Variants in PREPL observed in about 807,000 individuals in gnomAD.
PREPL encodes prolyl endopeptidase like, also known as prolyl endopeptidase-like.
PREPL carries 77 observed loss-of-function variants against 70.6 expected under a neutral mutation model. That is an observed-to-expected ratio of 1.09 (90% CI 0.91 to 1.32). PREPL has a LOEUF of 1.32. PREPL is among the 40% of genes most tolerant of loss of function. PREPL has a pLI of 0.00. For synonymous variants in PREPL, 315 were observed against 264.8 expected, an observed-to-expected ratio of 1.19 and a Z score of -1.84; for missense variants, 1,002 against 778.2, an observed-to-expected ratio of 1.29 and a Z score of -3.42.
chr2:44,346,962 T>G (rs999457425), intron 1 of PREPL, among the ~76,000 whole-genome samples: 5 of 152,116 alleles, frequency 3.3e-5, no homozygotes, highest in Non-Finnish European at 5.9e-5. Flanking sequence ...TTTAAATGGG[T>G]CTGAGAACCA....
chr2:44,359,494 T>C lies in PREPL; in HGVS notation c.-49+1886A>G, dbSNP rs1677427370. The C allele has an allele frequency of 3.8e-6, 6 of 1,595,600 alleles. No homozygotes were observed. In the East Asian group the frequency reaches 1.1e-4, roughly 30 times the overall value. ...CAAATAGGTTAACTTAAACAGTCCA[T>C]ACCTTACATGAGAAGCTCCGACTTG... On this transcript the variant is annotated intron_variant, in intron 1 of 13. Transcript: ENST00000409411.
Position 44,321,638 on chromosome 2 carries a change from G to T in PREPL, c.1827+189C>A. The T allele has an allele frequency of 3.3e-6, 5 of 1,496,524 alleles. No individual in the cohort carries two copies. In the South Asian group the frequency reaches 5.5e-5, roughly 16 times the overall value. 92.7% of individuals were successfully genotyped at this position (1,496,524 alleles called of 1,614,324 possible). A position where few individuals can be genotyped will look rare whatever the true frequency, so the allele number is the denominator to read the frequency against. ...AATTATTTTCTTTAACAGAGCTCAC[G>T]TATCAAGTACAAGAGAGAGACATTT... On this transcript the variant is annotated intron_variant, in intron 13 of 13. Transcript: ENST00000409411.
chr2:44,343,610 T>C lies in PREPL; in HGVS notation c.349+135A>G, dbSNP rs1675459654. 6 of 702,876 alleles carry C rather than the reference T, an allele frequency of 8.5e-6. No individual in the cohort carries two copies. In the South Asian group the frequency reaches 9.4e-5, roughly 11 times the overall value. 43.5% of individuals were successfully genotyped at this position (702,876 alleles called of 1,614,324 possible). On this transcript the variant is annotated intron_variant, in intron 4 of 13. Coordinates refer to ENST00000409411, the MANE Select transcript of PREPL (RefSeq NM_001171613.2). ...GAAGGTCTCCTGAATAAGAGGTACA[T>C]AGGAAGATGTATAGTCCATAGGGAT...
intron 12 of PREPL, 128 bp downstream of exon 12, chr2:44,322,603 C>A: frequency 7.8e-7 from 1 of 1,281,702 alleles, no homozygotes; most frequent in South Asian, 1.5e-5. Flanking sequence ...GTCAACATAG[C>A]AAAATAATTG....
intron 1 of PREPL, among the ~76,000 whole-genome samples, chr2:44,346,951 A>AT (rs1333424848): frequency 6.6e-6 from 1 of 152,150 alleles, no homozygotes; most frequent in Non-Finnish European, 1.5e-5. Context: ...AATTTTTTAA[A>AT]TTTAAATGGG....
chr2:44,361,696 C>A, upstream of PREPL: 1 of 341,590 alleles, frequency 2.9e-6, no homozygotes, highest in Non-Finnish European at 5.3e-6. Context: ...CTTCTGAGCT[C>A]GAGATGAAGC....
chr2:44,325,844 A>G (rs1673437231), intron 10 of PREPL, among the ~76,000 whole-genome samples: 1 of 152,220 alleles, frequency 6.6e-6, no homozygotes, highest in Non-Finnish European at 1.5e-5. Context: ...ACCTAGAAGT[A>G]GGAGAATGAT....
chr2:44,338,265 G>A, intron 7 of PREPL, 86 bp downstream of exon 7: 1 of 1,217,540 alleles, frequency 8.2e-7, no homozygotes. Context: ...GAACACTGCT[G>A]CCACTATTCA....
intron 8 of PREPL, among the ~76,000 whole-genome samples, chr2:44,329,340 TG>T (rs1456233445): frequency 6.6e-6 from 1 of 152,214 alleles, no homozygotes; most frequent in Non-Finnish European, 1.5e-5. Context: ...GCAGCAAGAC[TG>T]GCCTGAAAAC....
At position 44,321,819 on chromosome 2, in the gene PREPL, T is replaced by C. The variant is rs1255718090; in HGVS notation, c.1827+8A>G. On this transcript the variant is annotated splice_region_variant and intron_variant, in intron 13 of 13. Transcript: ENST00000409411. ...AATCTGTCCACTGAGAGGGCCTTGA[T>C]AACATACCTTTTTGTGAGAATCCTC... 1.9e-6 allele frequency: 3 copies of C among 1,613,710 alleles called. No homozygotes were observed. Among genetic ancestry groups the C allele is most frequent in the Admixed American group, 1.7e-5 (1 of 59,992 alleles).
intron 8 of PREPL, among the ~76,000 whole-genome samples, 186 bp downstream of exon 8, chr2:44,332,273 T>C (rs1292609366): frequency 6.6e-6 from 1 of 152,160 alleles, no homozygotes; most frequent in Non-Finnish European, 1.5e-5. Flanking sequence ...CTAATCCATG[T>C]TAAAACAAAC....
At position 44,349,714 on chromosome 2, in the gene PREPL, C is replaced by T. The variant is rs897538556; in HGVS notation, c.-48-3324G>A. 2.5e-4 allele frequency among the ~76,000 whole-genome samples: 38 copies of T among 152,142 alleles called. 1 individual carries two copies. The highest frequency in any genetic ancestry group is 2.4e-3 in the Admixed American group (36 of 15,278). On this transcript the variant is annotated intron_variant, in intron 1 of 13. Transcript: ENST00000409411. ...GCGCGGTGGCTCACGCCTGTAATCT[C>T]GGCACTTCGGGAGGCCAAGGCGGGT...
At position 44,320,824 on chromosome 2, in the gene PREPL, A is replaced by T; in HGVS notation, c.*532T>A. 1.6e-6 allele frequency: 1 copy of T among 624,178 alleles called. No individual in the cohort carries two copies. The allele number at this position is 624,178 out of a possible 1,614,324, so 38.7% of individuals were successfully genotyped here. A position where few individuals can be genotyped will look rare whatever the true frequency, so the allele number is the denominator to read the frequency against. On this transcript the variant is annotated 3_prime_UTR_variant, in exon 14 of 14. Coordinates refer to ENST00000409411, the MANE Select transcript of PREPL (RefSeq NM_001171613.2). ...AAAAAAATAAAATGTTTAAAAGTAA[A>T]TTATGGCTTATAGGAGCTTATAACT...
intron 7 of PREPL, among the ~76,000 whole-genome samples, chr2:44,335,567 A>T (rs1442570483): frequency 6.6e-6 from 1 of 152,234 alleles, no homozygotes; most frequent in Non-Finnish European, 1.5e-5. Flanking sequence ...AGATGAATTA[A>T]AGACTTAAAT....
At chr2:44,326,057 C>A (rs905823830) in intron 10 of PREPL, among the ~76,000 whole-genome samples, 2 of 152,152 alleles carry the variant, frequency 1.3e-5, no homozygotes, top group African/African-American at 4.8e-5. Context: ...TCAAGGTGAC[C>A]AGGAGCCAAA....
chr2:44,330,953 C>T (rs1245084487), intron 8 of PREPL, among the ~76,000 whole-genome samples: 2 of 151,938 alleles, frequency 1.3e-5, no homozygotes, highest in African/African-American at 4.8e-5. Flanking sequence ...TATATTTGTT[C>T]TTTTTCTGAG....
intron 1 of PREPL, among the ~76,000 whole-genome samples, chr2:44,354,246 T>C (rs968107307): frequency 6.6e-6 from 1 of 152,188 alleles, no homozygotes; most frequent in Non-Finnish European, 1.5e-5. Context: ...CAATAAAATT[T>C]ATGGTTATAT....
rs572882456 is a variant in PREPL at position 44,353,072 on chromosome 2, C to T, written c.-48-6682G>A. Among the ~76,000 whole-genome samples, 9 of 151,858 alleles carry T rather than the reference C, an allele frequency of 5.9e-5. 1 individual carries two copies. The South Asian group carries it at 1.9e-3, about 32-fold the overall frequency. On this transcript the variant is annotated intron_variant, in intron 1 of 13. Transcript: ENST00000409411. ...GACCAGCCTGGGCAACATAGCAAGA[C>T]TCTGTCTCTATTTAAAAAAGTTTTG...
At chr2:44,346,232 T>C in intron 2 of PREPL, 36 bp downstream of exon 2, 1 of 1,568,022 alleles carries the variant, frequency 6.4e-7, no homozygotes, top group South Asian at 1.1e-5. Flanking sequence ...ATTGGTAATA[T>C]CAAAAATTTT....
Sources: gnomAD v4.1 joint callset for allele counts (sites outside exome capture counted in the v4.1 genomes callset) on GRCh38, gnomAD v4.1.1 for gene constraint, MANE v1.5 for transcripts, NCBI Gene and HGNC (gene_info 2026-07-23, HGNC 2026-07-21) for gene names.